Variants in LRBA observed in about 807,000 individuals in gnomAD.
LRBA encodes the protein lipopolysaccharide-responsive and beige-like anchor protein.
Under a neutral mutation model 330.0 loss-of-function variants are expected in LRBA, and 176 were observed. That is an observed-to-expected ratio of 0.53 (90% CI 0.47 to 0.60). The LOEUF is 0.60. Among genes scored for constraint, LRBA ranks in the 20% least tolerant of loss-of-function variants. The pLI is 0.00. For synonymous variants in LRBA, 1,230 were observed against 1,193.0 expected (o/e 1.03, Z -0.64); for missense variants, 3,259 against 3,444.8 (o/e 0.95, Z 1.35).
chr4:150,496,244 A>C (rs1675364732), intron 40 of LRBA, among the ~76,000 whole-genome samples: 1 of 152,088 alleles, frequency 6.6e-6, no homozygotes, highest in African/African-American at 2.4e-5. Flanking sequence ...ACTTTGTTGC[A>C]CTTATTCTTA....
intron 40 of LRBA, among the ~76,000 whole-genome samples, chr4:150,568,880 T>C (rs1561365799): frequency 6.6e-6 from 1 of 151,826 alleles, no homozygotes; most frequent in African/African-American, 2.4e-5. Context: ...TTAACCCTGG[T>C]TGAAAAAAGG....
intron 52 of LRBA, among the ~76,000 whole-genome samples, chr4:150,304,387 G>A (rs1434960695): frequency 6.6e-6 from 1 of 152,066 alleles, no homozygotes; most frequent in East Asian, 1.9e-4. Flanking sequence ...AAATCAGATG[G>A]AAAAGTCAAA....
chr4:150,539,711 C>T (rs1394469501), intron 40 of LRBA, among the ~76,000 whole-genome samples: 2 of 152,104 alleles, frequency 1.3e-5, no homozygotes, highest in African/African-American at 4.8e-5. Flanking sequence ...CATTAATTGA[C>T]CTGAACACTA....
At chr4:150,981,316 G>A (rs1289131302) in intron 2 of LRBA, among the ~76,000 whole-genome samples, 1 of 151,558 alleles carries the variant, frequency 6.6e-6, no homozygotes, top group East Asian at 2.0e-4. Flanking sequence ...TGGAGGCTGA[G>A]GTGGGAGAAT....
At chr4:150,468,721 T>G (rs971309270) in intron 43 of LRBA, among the ~76,000 whole-genome samples, 2 of 152,110 alleles carry the variant, frequency 1.3e-5, no homozygotes, top group Non-Finnish European at 1.5e-5. Flanking sequence ...ATTCTATCAT[T>G]TCCATTCCTT....
At chr4:150,639,773 ATATATATATGTGTGTGTG>A (rs1561457314) in intron 37 of LRBA, among the ~76,000 whole-genome samples, 165 of 6,058 alleles carry the variant, frequency 0.027, 36 homozygotes, top group Admixed American at 0.1. Context: ...ATATATATAT[ATATATATATGTGTGTGTG>A]TATATATATA....
intron 50 of LRBA, among the ~76,000 whole-genome samples, chr4:150,318,774 G>A (rs2126914396): frequency 6.6e-6 from 1 of 152,220 alleles, no homozygotes; most frequent in African/African-American, 2.4e-5. Flanking sequence ...TGTATGGAAA[G>A]GGTGAAGACA....
At chr4:150,616,748 C>A (rs915111009) in intron 37 of LRBA, among the ~76,000 whole-genome samples, 4 of 152,048 alleles carry the variant, frequency 2.6e-5, no homozygotes, top group Non-Finnish European at 5.9e-5. Flanking sequence ...AACTGTAGTA[C>A]AGAAGTCACT....
intron 44 of LRBA, among the ~76,000 whole-genome samples, chr4:150,444,339 T>A (rs1006319101): frequency 6.6e-6 from 1 of 152,114 alleles, no homozygotes; most frequent in African/African-American, 2.4e-5. Context: ...AGTGTCTCCA[T>A]CACCTGCCTT....
chr4:150,340,673 A>T (rs1735404252), intron 48 of LRBA, among the ~76,000 whole-genome samples: 1 of 152,190 alleles, frequency 6.6e-6, no homozygotes, highest in Non-Finnish European at 1.5e-5. Context: ...TTCATCTTTC[A>T]TGAGTTTTCT....
chr4:150,835,214 A>C (rs1268587890), intron 28 of LRBA, among the ~76,000 whole-genome samples: 1 of 152,154 alleles, frequency 6.6e-6, no homozygotes, highest in Non-Finnish European at 1.5e-5. Context: ...GTAGCCTTAT[A>C]GTATAGCTTG....
chr4:150,284,966 A>G (rs544551482), intron 54 of LRBA, among the ~76,000 whole-genome samples: 19 of 152,338 alleles, frequency 1.2e-4, no homozygotes, highest in African/African-American at 4.6e-4. Flanking sequence ...GTAATATATA[A>G]TAGGTTCATT....
chr4:150,845,446 G>C (rs1283247764), intron 26 of LRBA, among the ~76,000 whole-genome samples: 1 of 152,178 alleles, frequency 6.6e-6, no homozygotes, highest in African/African-American at 2.4e-5. Context: ...CAGGCAGTTA[G>C]ATTACTTAGA....
intron 48 of LRBA, among the ~76,000 whole-genome samples, chr4:150,339,235 A>T (rs1166248029): frequency 6.6e-6 from 1 of 152,140 alleles, no homozygotes; most frequent in East Asian, 1.9e-4. Flanking sequence ...GAAAATTAAG[A>T]GATTGGAGGT....
chr4:150,836,087 ATATGCTGGAT>A (rs1578942024), intron 28 of LRBA, among the ~76,000 whole-genome samples: 1 of 152,166 alleles, frequency 6.6e-6, no homozygotes, highest in East Asian at 1.9e-4. Flanking sequence ...GGTTCTGTTT[ATATGCTGGAT>A]TACGTTTATT....
At position 150,775,452 on chromosome 4, in the gene LRBA, AACACACACACACACACAC is replaced by A. The variant is rs200525703; in HGVS notation, c.5581-13623_5581-13606del. Among the ~76,000 whole-genome samples the A allele has an allele frequency of 4.7e-3, 159 of 33,950 alleles. 2 individuals carry two copies. The East Asian group carries it at 0.12, about 25-fold the overall frequency. The allele number at this position is 33,950 out of a possible 152,430, so 22.3% of individuals were successfully genotyped here. ...ATTTCTAAAAGGAAGTCTGCAATGG[AACACACACACACACACAC>A]ACACACACACACACACACACACACA... is the stretch of plus-strand genomic sequence containing the variant. On this transcript the variant is annotated intron_variant, in intron 34 of 56. Coordinates refer to ENST00000651943, the MANE Select transcript of LRBA (RefSeq NM_001364905.1).
chr4:150,704,573 T>C (rs1391694368), intron 36 of LRBA, among the ~76,000 whole-genome samples: 6 of 152,096 alleles, frequency 3.9e-5, no homozygotes, highest in Admixed American at 3.3e-4. Flanking sequence ...ATTTATATAA[T>C]AGTGCCAATA....
intron 2 of LRBA, among the ~76,000 whole-genome samples, chr4:150,977,926 G>A (rs1254402683): frequency 1.3e-5 from 2 of 152,248 alleles, no homozygotes; most frequent in African/African-American, 4.8e-5. Flanking sequence ...GCTCCTGGAT[G>A]GCCTCTCTAG....
chr4:150,468,813 T>C (rs1254942733), intron 43 of LRBA, among the ~76,000 whole-genome samples: 3 of 152,068 alleles, frequency 2.0e-5, no homozygotes, highest in Non-Finnish European at 4.4e-5. Context: ...TCTTGGTATC[T>C]AAGCCTTTTT....
Sources: gnomAD v4.1 joint callset for allele counts (sites outside exome capture counted in the v4.1 genomes callset) on GRCh38, gnomAD v4.1.1 for gene constraint, MANE v1.5 for transcripts, NCBI Gene and HGNC (gene_info 2026-07-23, HGNC 2026-07-21) for gene names.